The following EBF1 variants were observed in gnomAD, a reference collection of about 807,000 sequenced individuals.
EBF1 encodes EBF transcription factor 1, also known as transcription factor COE1.
EBF1 carries 10 observed loss-of-function variants against 68.4 expected under a neutral mutation model. That is an observed-to-expected ratio of 0.15 (90% CI 0.09 to 0.25). The LOEUF is 0.25. Ranked by LOEUF, EBF1 falls within the 10% of genes least tolerant of loss-of-function variation. The probability of loss-of-function intolerance (pLI) is 1.00; values close to 1 mark genes in which losing one functional copy is unlikely to be tolerated. For synonymous variants in EBF1, 298 were observed against 299.8 expected, an observed-to-expected ratio of 0.99 and a Z score of 0.06; for missense variants, 509 against 794.4, an observed-to-expected ratio of 0.64 and a Z score of 4.32.
chr5:159,015,018 T>C (rs1765383238), intron 6 of EBF1, among the ~76,000 whole-genome samples: 1 of 152,196 alleles, frequency 6.6e-6, no homozygotes, highest in Non-Finnish European at 1.5e-5. Flanking sequence ...ACTTCTGCCT[T>C]ATTTAGGCCA....
At chr5:158,807,375 T>C (rs895522885) in intron 8 of EBF1, among the ~76,000 whole-genome samples, 2 of 152,116 alleles carry the variant, frequency 1.3e-5, no homozygotes, top group Non-Finnish European at 2.9e-5. Context: ...AGGAAGATGA[T>C]TTCTGAGTTT....
intron 6 of EBF1, among the ~76,000 whole-genome samples, chr5:159,009,006 G>A (rs1258267085): frequency 6.6e-6 from 1 of 152,150 alleles, no homozygotes; most frequent in Non-Finnish European, 1.5e-5. Context: ...CCTTGGCCAG[G>A]GGGAAGCTCA....
chr5:158,767,854 C>A (rs185399595), intron 10 of EBF1, among the ~76,000 whole-genome samples: 1 of 152,000 alleles, frequency 6.6e-6, no homozygotes, highest in Non-Finnish European at 1.5e-5. Flanking sequence ...CAGAGAGGGG[C>A]CTACATTTAC....
At chr5:158,751,075 CAT>C (rs1363745164) in intron 10 of EBF1, among the ~76,000 whole-genome samples, 3 of 151,958 alleles carry the variant, frequency 2.0e-5, no homozygotes, top group Admixed American at 2.0e-4. Flanking sequence ...TGTGTAAACA[CAT>C]ATACAGTATA....
At chr5:158,798,510 C>T (rs969800670) in intron 8 of EBF1, among the ~76,000 whole-genome samples, 4 of 152,106 alleles carry the variant, frequency 2.6e-5, no homozygotes, top group Non-Finnish European at 5.9e-5. Flanking sequence ...GTTTCTGTGT[C>T]TTTGAGAAAC....
At chr5:158,987,185 G>A (rs1759258495) in intron 6 of EBF1, 1 of 152,132 alleles carries the variant, frequency 6.6e-6, no homozygotes, top group Non-Finnish European at 1.5e-5. Flanking sequence ...CAAACCATAA[G>A]CCCCTGGGCA....
chr5:158,741,100 C>G (rs1397317732), intron 10 of EBF1, among the ~76,000 whole-genome samples: 1 of 152,144 alleles, frequency 6.6e-6, no homozygotes, highest in Admixed American at 6.5e-5. Context: ...TTAAAATAAT[C>G]ACAATTTACT....
intron 6 of EBF1, among the ~76,000 whole-genome samples, chr5:158,841,630 GCT>G (rs1424408476): frequency 6.6e-6 from 1 of 152,060 alleles, no homozygotes; most frequent in African/African-American, 2.4e-5. Context: ...TCTGAATTTG[GCT>G]CTGACTGCAA....
intron 6 of EBF1, among the ~76,000 whole-genome samples, chr5:158,909,118 GAAA>G (rs11297604): frequency 1.4e-5 from 2 of 143,916 alleles, no homozygotes; most frequent in African/African-American, 5.2e-5. Flanking sequence ...ATGGGCAGCA[GAAA>G]AAAAAAAAAG....
chr5:158,906,061 G>A (rs369940958), intron 6 of EBF1, among the ~76,000 whole-genome samples: 7 of 152,160 alleles, frequency 4.6e-5, no homozygotes, highest in African/African-American at 1.7e-4. Flanking sequence ...GAGAAATGTT[G>A]CCACCAATAT....
chr5:159,040,092 T>C (rs1457372055), intron 6 of EBF1, among the ~76,000 whole-genome samples: 1 of 152,164 alleles, frequency 6.6e-6, no homozygotes, highest in Middle Eastern at 3.2e-3. Context: ...TTTGTAACTG[T>C]AGTGGTGAGG....
At chr5:159,072,779 G>A (rs1347308030) in intron 6 of EBF1, among the ~76,000 whole-genome samples, 2 of 152,088 alleles carry the variant, frequency 1.3e-5, no homozygotes, top group Non-Finnish European at 2.9e-5. Flanking sequence ...ATTGTTCTAC[G>A]GTGATTTACT....
intron 6 of EBF1, among the ~76,000 whole-genome samples, chr5:159,012,001 A>T (rs1764757407): frequency 6.6e-6 from 1 of 152,198 alleles, no homozygotes; most frequent in African/African-American, 2.4e-5. Flanking sequence ...GAAAATGCTG[A>T]CATGTGGCCG....
chr5:158,708,273 T>C, intron 14 of EBF1, 100 bp from the exon 15 acceptor site: 16 of 1,216,560 alleles, frequency 1.3e-5, no homozygotes, highest in South Asian at 1.2e-4. Context: ...TGCTCTGCCC[T>C]GCTCAGACGA....
At chr5:158,853,601 C>T (rs1399858529) in intron 6 of EBF1, among the ~76,000 whole-genome samples, 3 of 152,030 alleles carry the variant, frequency 2.0e-5, no homozygotes, top group African/African-American at 2.4e-5. Flanking sequence ...ATACAATGCC[C>T]TCCAAGAAAG....
At chr5:159,064,721 G>A (rs887589856) in intron 6 of EBF1, among the ~76,000 whole-genome samples, 1 of 152,028 alleles carries the variant, frequency 6.6e-6, no homozygotes, top group African/African-American at 2.4e-5. Flanking sequence ...CATATTCTGA[G>A]ACATATCCCA....
At chr5:158,726,848 G>A (rs973156130) in intron 11 of EBF1, among the ~76,000 whole-genome samples, 2 of 152,210 alleles carry the variant, frequency 1.3e-5, no homozygotes, top group African/African-American at 4.8e-5. Flanking sequence ...GTTTTCCCGC[G>A]TGCTAGCTGT....
intron 6 of EBF1, among the ~76,000 whole-genome samples, chr5:158,977,491 T>G (rs961445259): frequency 6.6e-6 from 1 of 152,170 alleles, no homozygotes; most frequent in Non-Finnish European, 1.5e-5. Flanking sequence ...TGTTTAAAAA[T>G]GAACAGAATA....
intron 10 of EBF1, 132 bp from the exon 11 acceptor site, chr5:158,731,289 GGTT>G: frequency 1.2e-6 from 1 of 864,894 alleles, no homozygotes. Flanking sequence ...ATCACAAGAT[GGTT>G]GTGTGAATGA....
Sources: gnomAD v4.1 joint callset for allele counts (sites outside exome capture counted in the v4.1 genomes callset) on GRCh38, gnomAD v4.1.1 for gene constraint, MANE v1.5 for transcripts, NCBI Gene and HGNC (gene_info 2026-07-23, HGNC 2026-07-21) for gene names.